The following CLEC16A variants were observed in gnomAD, a reference collection of about 807,000 sequenced individuals.
CLEC16A encodes the protein C-type lectin domain containing 16A, also known as protein CLEC16A.
A neutral mutation model predicts 109.5 loss-of-function variants in CLEC16A; 51 were observed. The observed-to-expected ratio is 0.47, with a 90% CI of 0.37 to 0.59. The LOEUF (loss-of-function observed/expected upper bound fraction) is 0.59. Ranked by LOEUF, CLEC16A falls within the 20% of genes least tolerant of loss-of-function variation. The probability of loss-of-function intolerance (pLI) is 0.00; values close to 1 mark genes in which losing one functional copy is unlikely to be tolerated. For synonymous variants in CLEC16A, 673 were observed against 564.2 expected (o/e 1.19, Z -2.73); for missense variants, 1,339 against 1,394.0 (o/e 0.96, Z 0.63).
chr16:11,051,855 C>T (rs1345698293), intron 18 of CLEC16A, among the ~76,000 whole-genome samples: 1 of 152,228 alleles, frequency 6.6e-6, no homozygotes, highest in East Asian at 1.9e-4. Context: ...TTGCATCTGG[C>T]ACCCAGTGTT....
At chr16:11,074,496 A>G (rs1379814546) in intron 19 of CLEC16A, among the ~76,000 whole-genome samples, 1 of 152,188 alleles carries the variant, frequency 6.6e-6, no homozygotes, top group African/African-American at 2.4e-5. Flanking sequence ...CTTTTAAAGG[A>G]GAGGGTGATG....
At chr16:11,085,358 A>G (rs2152953649) in intron 19 of CLEC16A, among the ~76,000 whole-genome samples, 1 of 152,372 alleles carries the variant, frequency 6.6e-6, no homozygotes, top group Middle Eastern at 3.4e-3. Context: ...AGGAGAAAGC[A>G]CGCTTGCTTC....
rs374935971 is a variant in CLEC16A at position 10,955,343 on chromosome 16, G to T, written c.81-2439G>T. On this transcript the variant is annotated intron_variant, in intron 1 of 23. Coordinates refer to ENST00000409790, the MANE Select transcript of CLEC16A (RefSeq NM_015226.3). ...AGACATTTGGAGTGTATTGGGGTCA[G>T]CAAGATCAATAAGGTGATGGTGCTG... Among the ~76,000 whole-genome samples, 4 of 152,326 alleles carry T rather than the reference G, an allele frequency of 2.6e-5. No individual in the cohort carries two copies. In the East Asian group the frequency reaches 5.8e-4, roughly 22 times the overall value.
At chr16:11,058,870 C>T (rs2048342452) in intron 18 of CLEC16A, among the ~76,000 whole-genome samples, 1 of 152,172 alleles carries the variant, frequency 6.6e-6, no homozygotes, top group African/African-American at 2.4e-5. Context: ...TGAGCGTCTC[C>T]TTGACTTGGA....
intron 22 of CLEC16A, among the ~76,000 whole-genome samples, chr16:11,164,803 A>G (rs1317161484): frequency 6.6e-6 from 1 of 152,212 alleles, no homozygotes; most frequent in Non-Finnish European, 1.5e-5. Flanking sequence ...AACCCCTGCT[A>G]ACACCCTGCA....
At chr16:11,084,732 G>A (rs536915036) in intron 19 of CLEC16A, among the ~76,000 whole-genome samples, 9 of 152,314 alleles carry the variant, frequency 5.9e-5, no homozygotes, top group African/African-American at 1.9e-4. Context: ...AAGGTCAATC[G>A]ACATGTCAGA....
chr16:10,974,553 C>T (rs564806432), intron 7 of CLEC16A, among the ~76,000 whole-genome samples: 1 of 152,144 alleles, frequency 6.6e-6, no homozygotes, highest in East Asian at 1.9e-4. Flanking sequence ...CCCAGTCGTA[C>T]CAACCAAAAA....
intron 19 of CLEC16A, among the ~76,000 whole-genome samples, chr16:11,077,590 T>C (rs1246479392): frequency 6.6e-6 from 1 of 151,726 alleles, no homozygotes; most frequent in Non-Finnish European, 1.5e-5. Context: ...CCTGGGGAGA[T>C]TGAGGCTGTA....
intron 4 of CLEC16A, among the ~76,000 whole-genome samples, 180 bp downstream of exon 4, chr16:10,969,489 TTAAA>T (rs1399244190): frequency 6.6e-6 from 1 of 152,158 alleles, no homozygotes; most frequent in Non-Finnish European, 1.5e-5. Flanking sequence ...ATTTTTTTAA[TTAAA>T]TAAGTTACCT....
intron 18 of CLEC16A, among the ~76,000 whole-genome samples, chr16:11,056,310 A>G (rs967579077): frequency 3.3e-5 from 5 of 152,234 alleles, no homozygotes; most frequent in Non-Finnish European, 7.3e-5. Flanking sequence ...GCTGTTGCCC[A>G]GAGTAGACGA....
chr16:11,009,430 G>C (rs1011800407), intron 11 of CLEC16A, among the ~76,000 whole-genome samples: 7 of 152,158 alleles, frequency 4.6e-5, no homozygotes, highest in Admixed American at 4.6e-4. Flanking sequence ...CTGCCTTTGA[G>C]GCTTTTGTAG....
At chr16:11,077,621 T>C (rs1328081668) in intron 19 of CLEC16A, among the ~76,000 whole-genome samples, 1 of 152,082 alleles carries the variant, frequency 6.6e-6, no homozygotes, top group Non-Finnish European at 1.5e-5. Flanking sequence ...ATCGAGCCAC[T>C]GCACTTCAGC....
intron 1 of CLEC16A, 82 bp from the exon 2 acceptor site, chr16:10,957,700 C>G (rs1172603602): frequency 5.5e-6 from 8 of 1,456,950 alleles, no homozygotes; most frequent in African/African-American, 2.8e-5. Flanking sequence ...TGCATTGTCT[C>G]CAAAATATTG....
At chr16:11,128,137 TG>T (rs1471725624) in intron 22 of CLEC16A, among the ~76,000 whole-genome samples, 5 of 152,232 alleles carry the variant, frequency 3.3e-5, no homozygotes, top group Admixed American at 1.3e-4. Flanking sequence ...CGGAACTTAC[TG>T]GTTAAAGAGA....
chr16:10,994,005 G>GT (rs2044182330), intron 10 of CLEC16A, among the ~76,000 whole-genome samples: 1 of 152,212 alleles, frequency 6.6e-6, no homozygotes, highest in Non-Finnish European at 1.5e-5. Flanking sequence ...CCATCTTGAC[G>GT]TTACCTGCTC....
At chr16:11,010,367 A>G (rs1055319424) in intron 11 of CLEC16A, among the ~76,000 whole-genome samples, 3 of 152,124 alleles carry the variant, frequency 2.0e-5, no homozygotes, top group Non-Finnish European at 4.4e-5. Context: ...ATATTTTTGT[A>G]GTTGCTTTCT....
At chr16:10,946,925 A>T (rs1369530329) in intron 1 of CLEC16A, among the ~76,000 whole-genome samples, 1 of 152,242 alleles carries the variant, frequency 6.6e-6, no homozygotes, top group Non-Finnish European at 1.5e-5. Context: ...GCTTGTGCTC[A>T]TTATACTGTC....
chr16:11,082,329 G>C (rs1235067774), intron 19 of CLEC16A, among the ~76,000 whole-genome samples: 1 of 152,214 alleles, frequency 6.6e-6, no homozygotes, highest in African/African-American at 2.4e-5. Flanking sequence ...CTCCCAGGTG[G>C]CTGCCACTTC....
rs1278319821 is a variant in CLEC16A, at chr16:11,157,821, C to T, written c.2642-8567C>T. On this transcript the variant is annotated intron_variant, in intron 22 of 23. Coordinates refer to ENST00000409790, the MANE Select transcript of CLEC16A (RefSeq NM_015226.3). ...TAGTTTGGGCCCTGTGCCCTGTCTT[C>T]CTAAGGTGGCTTTCCTAGGGTAGCC... Among the ~76,000 whole-genome samples the T allele has an allele frequency of 3.9e-5, 6 of 152,212 alleles. 1 individual carries two copies. The East Asian group carries it at 1.2e-3, about 29-fold the overall frequency.
Sources: gnomAD v4.1 joint callset for allele counts (sites outside exome capture counted in the v4.1 genomes callset) on GRCh38, gnomAD v4.1.1 for gene constraint, MANE v1.5 for transcripts, NCBI Gene and HGNC (gene_info 2026-07-23, HGNC 2026-07-21) for gene names.